The following ROBO1 variants were observed in gnomAD, a reference collection of about 807,000 sequenced individuals.
ROBO1 encodes the protein roundabout guidance receptor 1, also known as roundabout homolog 1.
In ROBO1, 149 loss-of-function variants were observed where a neutral mutation model predicts 195.9. The observed-to-expected ratio is 0.76, with a 90% CI of 0.67 to 0.87. The LOEUF is 0.87. Ranked by LOEUF, ROBO1 falls within the 40% of genes least tolerant of loss-of-function variation. The pLI is 0.00. For missense variants in ROBO1, 1,933 were observed against 2,068.3 expected (o/e 0.93, Z 1.27); for synonymous variants, 816 against 733.2 (o/e 1.11, Z -1.82).
intron 3 of ROBO1, among the ~76,000 whole-genome samples, chr3:78,964,800 GGTTTTTTTTTT>G (rs2041588897): frequency 1.3e-5 from 2 of 148,454 alleles, no homozygotes. Context: ...GCAAGCTTAG[GGTTTTTTTTTT>G]GTTTTTTTTT....
chr3:79,274,119 G>T (rs1236671452), intron 2 of ROBO1, among the ~76,000 whole-genome samples: 1 of 151,774 alleles, frequency 6.6e-6, no homozygotes, highest in Non-Finnish European at 1.5e-5. Flanking sequence ...AGACAGAATG[G>T]CAACAAAGAA....
intron 1 of ROBO1, among the ~76,000 whole-genome samples, chr3:79,658,860 C>T (rs1946246857): frequency 6.6e-6 from 1 of 151,604 alleles, no homozygotes; most frequent in African/African-American, 2.4e-5. Flanking sequence ...CCTCAGCTTC[C>T]CAAGTAGCTG....
intron 10 of ROBO1, among the ~76,000 whole-genome samples, chr3:78,679,664 G>A (rs2080840425): frequency 6.6e-6 from 1 of 152,126 alleles, no homozygotes; most frequent in Admixed American, 6.5e-5. Context: ...ACCACTCACT[G>A]CTCAATGAAA....
chr3:79,685,215 C>T (rs1168676626), intron 1 of ROBO1, among the ~76,000 whole-genome samples: 1 of 152,156 alleles, frequency 6.6e-6, no homozygotes, highest in African/African-American at 2.4e-5. Flanking sequence ...ATCAGTAAAT[C>T]TACCAGCCTT....
chr3:78,722,427 A>T (rs1454050487), intron 5 of ROBO1, among the ~76,000 whole-genome samples: 2 of 152,180 alleles, frequency 1.3e-5, no homozygotes, highest in African/African-American at 4.8e-5. Context: ...GACTAAAAGC[A>T]TATGGTTACA....
chr3:79,237,208 C>T (rs1487827783), intron 2 of ROBO1, among the ~76,000 whole-genome samples: 3 of 152,072 alleles, frequency 2.0e-5, no homozygotes, highest in African/African-American at 4.8e-5. Flanking sequence ...AATGGCCGGG[C>T]GCGGTGGCTC....
At chr3:79,443,127 T>TA (rs764973375) in intron 2 of ROBO1, among the ~76,000 whole-genome samples, 3 of 152,032 alleles carry the variant, frequency 2.0e-5, no homozygotes, top group South Asian at 2.1e-4. Context: ...GGAAAAGAAG[T>TA]AAAAAATCCA....
intron 1 of ROBO1, among the ~76,000 whole-genome samples, chr3:79,656,909 T>A (rs4856433): frequency 0.59 from 88,334 of 150,722 alleles, 26,244 homozygotes; most frequent in South Asian, 0.67. Context: ...AGAAAAAAAA[T>A]AATGCTCTTG....
intron 2 of ROBO1, among the ~76,000 whole-genome samples, chr3:79,442,605 G>A (rs1052092244): frequency 2.3e-4 from 35 of 152,040 alleles, no homozygotes; most frequent in African/African-American, 8.2e-4. Context: ...CACTTCTGTT[G>A]TCTCTGAAAA....
At chr3:79,517,050 C>T (rs1450047840) in intron 2 of ROBO1, among the ~76,000 whole-genome samples, 6 of 152,124 alleles carry the variant, frequency 3.9e-5, no homozygotes, top group African/African-American at 1.4e-4. Context: ...TCTCTTTTTA[C>T]CATACCATAA....
intron 4 of ROBO1, among the ~76,000 whole-genome samples, chr3:78,844,147 T>G (rs758386753): frequency 1.3e-4 from 20 of 152,152 alleles, no homozygotes; most frequent in Non-Finnish European, 2.5e-4. Context: ...GCAGCCACAT[T>G]TTAAAATTTG....
chr3:78,735,225 C>T (rs1003197969), intron 5 of ROBO1, among the ~76,000 whole-genome samples: 1 of 152,114 alleles, frequency 6.6e-6, no homozygotes, highest in African/African-American at 2.4e-5. Flanking sequence ...AAAATCAAGA[C>T]AGGAGAACTT....
intron 2 of ROBO1, among the ~76,000 whole-genome samples, chr3:79,550,486 AC>A (rs1351280859): frequency 6.6e-6 from 1 of 152,232 alleles, no homozygotes; most frequent in Non-Finnish European, 1.5e-5. Flanking sequence ...TTATATGACA[AC>A]ACTTAGAGAG....
chr3:79,167,722 T>A (rs1304784970), intron 2 of ROBO1, among the ~76,000 whole-genome samples: 1 of 152,240 alleles, frequency 6.6e-6, no homozygotes, highest in Non-Finnish European at 1.5e-5. Flanking sequence ...ATCTGAGCAT[T>A]CTGCCTTGGT....
intron 2 of ROBO1, among the ~76,000 whole-genome samples, chr3:79,475,579 G>A (rs1938509341): frequency 6.6e-6 from 1 of 151,972 alleles, no homozygotes; most frequent in Non-Finnish European, 1.5e-5. Context: ...AAAAAACTTG[G>A]AGGAGAGTAT....
chr3:79,676,226 T>C (rs1946779650), intron 1 of ROBO1, among the ~76,000 whole-genome samples: 1 of 152,086 alleles, frequency 6.6e-6, no homozygotes, highest in South Asian at 2.1e-4. Context: ...ATATTGCAAC[T>C]GTAAAATAAG....
At chr3:79,752,776 C>A (rs1704190968) in intron 1 of ROBO1, among the ~76,000 whole-genome samples, 1 of 152,060 alleles carries the variant, frequency 6.6e-6, no homozygotes, top group Non-Finnish European at 1.5e-5. Context: ...GAGATGAGGA[C>A]AGCCTGAGTG....
chr3:79,705,233 C>T (rs894201746), intron 1 of ROBO1, among the ~76,000 whole-genome samples: 1 of 151,762 alleles, frequency 6.6e-6, no homozygotes, highest in South Asian at 2.1e-4. Context: ...ATAAATTGTG[C>T]CTTTGATGTT....
chr3:79,765,666 T>C (rs1475596288), intron 1 of ROBO1, among the ~76,000 whole-genome samples: 1 of 152,116 alleles, frequency 6.6e-6, no homozygotes, highest in South Asian at 2.1e-4. Context: ...GTAATTATTA[T>C]ATCCTAGTTC....
Sources: gnomAD v4.1 joint callset for allele counts (sites outside exome capture counted in the v4.1 genomes callset) on GRCh38, gnomAD v4.1.1 for gene constraint, MANE v1.5 for transcripts, NCBI Gene and HGNC (gene_info 2026-07-23, HGNC 2026-07-21) for gene names.